The following MXRA7 variants were observed in gnomAD, a reference collection of about 807,000 sequenced individuals.
MXRA7 encodes matrix-remodeling-associated protein 7.
MXRA7 carries 18 observed loss-of-function variants against 17.4 expected under a neutral mutation model. The observed-to-expected ratio is 1.03, with a 90% CI of 0.71 to 1.53. MXRA7 has a LOEUF of 1.53. Ranked by LOEUF, MXRA7 falls within the 40% of genes most tolerant of loss-of-function variation. MXRA7 has a pLI of 0.00. For missense variants in MXRA7, 141 were observed against 209.3 expected (o/e 0.67, Z 2.01); for synonymous variants, 70 against 101.7 (o/e 0.69, Z 1.87).
At chr17:76,703,316 C>G (rs2076617137) in intron 1 of MXRA7, among the ~76,000 whole-genome samples, 1 of 152,128 alleles carries the variant, frequency 6.6e-6, no homozygotes, top group Non-Finnish European at 1.5e-5. Context: ...CACACATACA[C>G]AGGCCACAAA....
chr17:76,682,155 C>T (rs79299523), intron 3 of MXRA7, among the ~76,000 whole-genome samples: 1,661 of 152,346 alleles, frequency 0.011, 21 homozygotes, highest in Non-Finnish European at 0.019. Context: ...CTTCTGCTTC[C>T]AGTCCCACTT....
chr17:76,688,169 T>C lies in MXRA7; in HGVS notation c.350A>G (p.Glu117Gly). The C allele has an allele frequency of 6.2e-7, 1 of 1,614,034 alleles. No individual in the cohort carries two copies. Among genetic ancestry groups the C allele is most frequent in the Non-Finnish European group, 8.5e-7 (1 of 1,179,990 alleles). The change falls in exon 2 of 4, where the codon GAG becomes GGG. Residue 117 changes from glutamate (E) to glycine (G), a missense_variant. Coordinates refer to ENST00000449428, the MANE Select transcript of MXRA7 (RefSeq NM_198530.4). ...EQAVEARQEE[E>G]QDLDGEKGPS... The stretch of plus-strand genomic sequence containing the variant: ...CCCCTTCTCACCATCCAAGTCCTGC[T>C]CCTCTTCCTGCAAGACAAGGACAGG...
chr17:76,688,270 C>T (rs1397808970), intron 1 of MXRA7, 94 bp from the exon 2 acceptor site: 20 of 1,563,890 alleles, frequency 1.3e-5, no homozygotes, highest in Non-Finnish European at 1.4e-5. Context: ...AGGAGGCCCT[C>T]GAAGGTCCAG....
At chr17:76,694,752 A>T (rs1288661340) in intron 1 of MXRA7, among the ~76,000 whole-genome samples, 5 of 152,072 alleles carry the variant, frequency 3.3e-5, no homozygotes, top group African/African-American at 1.2e-4. Flanking sequence ...GGCTTGGCTA[A>T]TTTGTGTATT....
chr17:76,677,257 A>AC (rs1347537857), downstream of MXRA7: 2 of 192,728 alleles, frequency 1.0e-5, no homozygotes, highest in Non-Finnish European at 2.1e-5. Flanking sequence ...ACGCCACTGC[A>AC]CTCCAGCCTG....
At chr17:76,678,019 A>G (rs1337192465), downstream of MXRA7, among the ~76,000 whole-genome samples, 1 of 152,156 alleles carries the variant, frequency 6.6e-6, no homozygotes, top group Non-Finnish European at 1.5e-5. Context: ...TGTTGACTGC[A>G]TGTCCCACAG....
intron 1 of MXRA7, among the ~76,000 whole-genome samples, chr17:76,697,971 G>C (rs780392473): frequency 6.6e-6 from 1 of 152,102 alleles, no homozygotes; most frequent in Non-Finnish European, 1.5e-5. Context: ...CAGAGGGAGA[G>C]AGAGTGATAG....
intron 2 of MXRA7, 115 bp downstream of exon 2, chr17:76,687,998 G>GTCCCACCCCC: frequency 1.4e-6 from 1 of 697,838 alleles, no homozygotes; most frequent in Non-Finnish European, 2.5e-6. Context: ...TCAGGCCACT[G>GTCCCACCCCC]TCCCACCCCA....
At position 76,692,548 on chromosome 17, in the gene MXRA7, C is replaced by G. The variant is rs7207029; in HGVS notation, c.343-4372G>C. Among the ~76,000 whole-genome samples, 1,363 of 151,588 alleles carry G rather than the reference C, an allele frequency of 9.0e-3. 28 individuals carry two copies. The highest frequency in any genetic ancestry group is 0.032 in the African/African-American group (1,313 of 41,314). Reference sequence around the variant, plus strand: ...GATTACAGGTGTGGGCCACCGCGCCCGGCCTGGAAGTCTGATTTTTAAAAA... The same window carrying G: ...GATTACAGGTGTGGGCCACCGCGCCGGGCCTGGAAGTCTGATTTTTAAAAA... On this transcript the variant is annotated intron_variant, in intron 1 of 3. Transcript: ENST00000449428.
At chr17:76,686,963 A>G (rs2076406029) in intron 2 of MXRA7, among the ~76,000 whole-genome samples, 1 of 151,630 alleles carries the variant, frequency 6.6e-6, no homozygotes. Context: ...GTGCTGGGGG[A>G]CTGTGCCCTC....
chr17:76,690,711 T>TTTTG (rs1041051145), intron 1 of MXRA7, among the ~76,000 whole-genome samples: 2 of 152,066 alleles, frequency 1.3e-5, no homozygotes, highest in African/African-American at 4.8e-5. Context: ...ACAGTTTTTA[T>TTTTG]TTTGTTTGTT....
downstream of MXRA7, chr17:76,679,540 ACAAAG>A: frequency 1.0e-6 from 1 of 954,556 alleles, no homozygotes; most frequent in South Asian, 4.8e-5. Context: ...TTGTTTTAAA[ACAAAG>A]CAAACTGAAA....
chr17:76,679,550 CTG>C (rs1355834823), downstream of MXRA7: 1 of 967,270 alleles, frequency 1.0e-6, no homozygotes, highest in African/African-American at 1.8e-5. Context: ...ACAAAGCAAA[CTG>C]AAAAAACACA....
chr17:76,707,640 C>T (rs2076676888), intron 1 of MXRA7, among the ~76,000 whole-genome samples: 1 of 152,102 alleles, frequency 6.6e-6, no homozygotes, highest in South Asian at 2.1e-4. Context: ...GCCCCAAGTA[C>T]CGAGATACTT....
intron 1 of MXRA7, among the ~76,000 whole-genome samples, chr17:76,704,806 G>T (rs1259620347): frequency 7.0e-6 from 1 of 142,530 alleles, no homozygotes; most frequent in Non-Finnish European, 1.5e-5. Context: ...AAAAAAGAAT[G>T]CTGGAAACAG....
chr17:76,675,448 A>G (rs1374649405), downstream of MXRA7: 1 of 126,834 alleles, frequency 7.9e-6, no homozygotes, highest in Non-Finnish European at 1.6e-5. Context: ...CCCAGGCTAG[A>G]GTGCAGTGGC....
At chr17:76,682,391 C>T (rs1300456778) in intron 3 of MXRA7, among the ~76,000 whole-genome samples, 1 of 152,058 alleles carries the variant, frequency 6.6e-6, no homozygotes, top group Admixed American at 6.6e-5. Flanking sequence ...GAGAGAGCAC[C>T]CTGCTAGCTG....
At chr17:76,684,741 A>G in intron 3 of MXRA7, 1 of 360,806 alleles carries the variant, frequency 2.8e-6, no homozygotes, top group Non-Finnish European at 5.0e-6. Context: ...GGTCTGCTCC[A>G]GGCTCTTTCC....
chr17:76,695,515 C>T (rs975745851), intron 1 of MXRA7, among the ~76,000 whole-genome samples: 4 of 152,154 alleles, frequency 2.6e-5, no homozygotes, highest in African/African-American at 4.8e-5. Flanking sequence ...TCTTTCCTTC[C>T]GCTTTGGCAC....
Sources: allele counts gnomAD v4.1 joint callset (sites outside exome capture counted in the v4.1 genomes callset), GRCh38; gene constraint gnomAD v4.1.1; transcripts MANE v1.5; gene names NCBI Gene and HGNC (gene_info 2026-07-23, HGNC 2026-07-21).